Variants in STAC observed in about 807,000 individuals in gnomAD.
STAC encodes the protein SH3 and cysteine-rich domain-containing protein.
In STAC, 43 loss-of-function variants were observed where a neutral mutation model predicts 48.8. The observed-to-expected ratio is 0.88, with a 90% CI of 0.69 to 1.14. The LOEUF (loss-of-function observed/expected upper bound fraction) is 1.14, where lower values mean the gene tolerates loss of function less well. Ranked by LOEUF, STAC falls within the 50% of genes most tolerant of loss-of-function variation. The pLI is 0.00. For missense variants in STAC, 497 were observed against 504.0 expected, an observed-to-expected ratio of 0.99 and a Z score of 0.13; for synonymous variants, 193 against 179.5, an observed-to-expected ratio of 1.07 and a Z score of -0.60.
At chr3:36,396,339 A>T (rs1699856904) in intron 1 of STAC, among the ~76,000 whole-genome samples, 1 of 152,178 alleles carries the variant, frequency 6.6e-6, no homozygotes, top group African/African-American at 2.4e-5. Context: ...TGGAAAAATA[A>T]TATTATAAAA....
chr3:36,426,306 C>A (rs909930616), intron 1 of STAC, among the ~76,000 whole-genome samples: 3 of 152,182 alleles, frequency 2.0e-5, no homozygotes, highest in African/African-American at 7.2e-5. Flanking sequence ...TATCTTATCT[C>A]TTGCTAGATA....
At chr3:36,385,153 T>A (rs182984874) in intron 1 of STAC, among the ~76,000 whole-genome samples, 20 of 152,250 alleles carry the variant, frequency 1.3e-4, no homozygotes, top group Admixed American at 1.2e-3. Context: ...AGTGTATACA[T>A]AAACCCAAGT....
At chr3:36,428,409 A>C (rs1700616910) in intron 1 of STAC, among the ~76,000 whole-genome samples, 1 of 152,250 alleles carries the variant, frequency 6.6e-6, no homozygotes, top group South Asian at 2.1e-4. Flanking sequence ...ACAATAAAAA[A>C]CAAATAGTCC....
chr3:36,420,186 G>T (rs1421376451), intron 1 of STAC, among the ~76,000 whole-genome samples: 1 of 152,118 alleles, frequency 6.6e-6, no homozygotes, highest in Admixed American at 6.5e-5. Context: ...AATAATGATA[G>T]GACCTACCAG....
At chr3:36,468,940 A>AGG (rs1697252217) in intron 2 of STAC, among the ~76,000 whole-genome samples, 1 of 151,958 alleles carries the variant, frequency 6.6e-6, no homozygotes, top group Non-Finnish European at 1.5e-5. Flanking sequence ...ATTGCATGTA[A>AGG]AATCTTTTTC....
At chr3:36,532,080 T>G (rs1280662132) in intron 10 of STAC, among the ~76,000 whole-genome samples, 2 of 152,148 alleles carry the variant, frequency 1.3e-5, no homozygotes, top group Non-Finnish European at 2.9e-5. Flanking sequence ...GGGCCTCAAC[T>G]TTGCACATGT....
rs553986311 is a variant in STAC, at chr3:36,420,736, A to G, written c.112-22628A>G. On this transcript the variant is annotated intron_variant, in intron 1 of 10. Coordinates refer to ENST00000273183, the MANE Select transcript of STAC (RefSeq NM_003149.3). ...CAAAAAGACTGGGGACTGTTTCCCT[A>G]TACCACTTGTGTTTTGTTACTACAA... 1.2e-4 allele frequency among the ~76,000 whole-genome samples: 19 copies of G among 152,318 alleles called. 1 individual carries two copies. The South Asian group carries it at 3.7e-3, about 30-fold the overall frequency.
intron 2 of STAC, among the ~76,000 whole-genome samples, chr3:36,459,753 T>A (rs943922937): frequency 4.6e-5 from 7 of 152,094 alleles, no homozygotes; most frequent in African/African-American, 1.7e-4. Flanking sequence ...AACCAGAAAA[T>A]CTAGCTAGAA....
chr3:36,383,438 T>C (rs1699555276), intron 1 of STAC, among the ~76,000 whole-genome samples: 1 of 152,162 alleles, frequency 6.6e-6, no homozygotes, highest in Non-Finnish European at 1.5e-5. Flanking sequence ...TCATGGACAG[T>C]ATTGTTTTAT....
intron 1 of STAC, among the ~76,000 whole-genome samples, chr3:36,419,051 A>G (rs945567300): frequency 1.0e-3 from 153 of 151,454 alleles, no homozygotes; most frequent in Non-Finnish European, 1.7e-3. Flanking sequence ...CCGACTCAAA[A>G]AAAAAAAAAA....
chr3:36,518,105 G>A (rs920516150), intron 8 of STAC, among the ~76,000 whole-genome samples: 7 of 152,060 alleles, frequency 4.6e-5, no homozygotes, highest in African/African-American at 1.4e-4. Flanking sequence ...TCACACCAAG[G>A]CACCTTTTTT....
At chr3:36,486,570 G>T (rs537287252) in intron 5 of STAC, among the ~76,000 whole-genome samples, 1 of 152,262 alleles carries the variant, frequency 6.6e-6, no homozygotes, top group South Asian at 2.1e-4. Flanking sequence ...AGAAATGTTT[G>T]GCTCAAACAA....
intron 8 of STAC, among the ~76,000 whole-genome samples, chr3:36,521,923 A>G (rs902896487): frequency 8.6e-5 from 13 of 151,960 alleles, no homozygotes; most frequent in African/African-American, 3.1e-4. Context: ...GTGAGATCCT[A>G]TAAAAAATTT....
At chr3:36,396,832 G>A (rs1699866675) in intron 1 of STAC, among the ~76,000 whole-genome samples, 2 of 152,096 alleles carry the variant, frequency 1.3e-5, no homozygotes, top group Non-Finnish European at 2.9e-5. Flanking sequence ...ATTATATGTA[G>A]GGTAGTTTTT....
chr3:36,396,772 C>T (rs902623965), intron 1 of STAC, among the ~76,000 whole-genome samples: 1 of 152,072 alleles, frequency 6.6e-6, no homozygotes, highest in Non-Finnish European at 1.5e-5. Context: ...TTATAATTTC[C>T]TTCTCCTAGT....
At chr3:36,406,957 G>C (rs1449517597) in intron 1 of STAC, among the ~76,000 whole-genome samples, 1 of 152,152 alleles carries the variant, frequency 6.6e-6, no homozygotes, top group African/African-American at 2.4e-5. Context: ...TTCATTCTTG[G>C]CTCTGCCACT....
intron 2 of STAC, among the ~76,000 whole-genome samples, chr3:36,463,399 G>C (rs1697073382): frequency 6.6e-6 from 1 of 151,978 alleles, no homozygotes; most frequent in South Asian, 2.1e-4. Flanking sequence ...TTGAATCCAG[G>C]AATGTGTGGC....
chr3:36,413,774 A>G (rs895297331), intron 1 of STAC, among the ~76,000 whole-genome samples: 13 of 152,162 alleles, frequency 8.5e-5, no homozygotes, highest in African/African-American at 2.4e-4. Flanking sequence ...TAGCATCAAT[A>G]GTCTTTACAA....
chr3:36,529,362 T>C (rs1366214577), intron 10 of STAC: 1 of 155,784 alleles, frequency 6.4e-6, no homozygotes, highest in Non-Finnish European at 1.4e-5. Flanking sequence ...TCGTTATTAG[T>C]TGTTGCTATT....
Sources: gnomAD v4.1 joint callset for allele counts (sites outside exome capture counted in the v4.1 genomes callset) on GRCh38, gnomAD v4.1.1 for gene constraint, MANE v1.5 for transcripts, NCBI Gene and HGNC (gene_info 2026-07-23, HGNC 2026-07-21) for gene names.